The following DUOX2 variants were observed in gnomAD, a reference collection of about 807,000 sequenced individuals.
DUOX2 encodes dual oxidase 2.
Under a neutral mutation model 183.3 loss-of-function variants are expected in DUOX2, and 185 were observed. The observed-to-expected ratio is 1.01, with a 90% CI of 0.90 to 1.14. The LOEUF (loss-of-function observed/expected upper bound fraction) is 1.14, where lower values mean the gene tolerates loss of function less well. Among genes scored for constraint, DUOX2 ranks in the 50% most tolerant of loss-of-function variants. The probability of loss-of-function intolerance (pLI) is 0.00; values close to 1 mark genes in which losing one functional copy is unlikely to be tolerated. For missense variants in DUOX2, 1,999 were observed against 2,022.9 expected (o/e 0.99, Z 0.23); for synonymous variants, 788 against 812.4 (o/e 0.97, Z 0.51).
Position 45,099,380 on chromosome 15 carries a change from G to A in DUOX2, c.3515+3C>T, listed in dbSNP as rs1418226683. On this transcript the variant is annotated splice_donor_region_variant and intron_variant, in intron 26 of 33. Transcript: ENST00000389039. The stretch of plus-strand genomic sequence containing the variant: ...CCCAGGAGAAACCATCCCCAGAACT[G>A]ACCCATCATTCACAAAGACGTTGGG... The A allele has an allele frequency of 4.3e-6, 7 of 1,613,078 alleles. No homozygotes were observed. The highest frequency in any genetic ancestry group is 1.7e-5 in the Admixed American group (1 of 60,018).
chr15:45,096,535 A>G lies in DUOX2; in HGVS notation c.3848-475T>C, dbSNP rs190462302. 2.1e-3 allele frequency among the ~76,000 whole-genome samples: 325 copies of G among 152,284 alleles called. 2 individuals are homozygous for G. Among genetic ancestry groups the G allele is most frequent in the Middle Eastern group, 0.014 (4 of 294 alleles). On this transcript the variant is annotated intron_variant, in intron 29 of 33. Transcript: ENST00000389039. ...CTAAGGTAAGTGGAAAACCAGTATC[A>G]TGTGTCCTACATAGAAGACAACATA... is the stretch of plus-strand genomic sequence containing the variant.
intron 29 of DUOX2, 29 bp downstream of exon 29, chr15:45,097,209 C>T (rs979783444): frequency 1.9e-6 from 3 of 1,613,872 alleles, no homozygotes; most frequent in Non-Finnish European, 2.5e-6. Flanking sequence ...CTCTGTCGCT[C>T]CCGACCCAGG....
intron 16 of DUOX2, 36 bp downstream of exon 16, chr15:45,106,492 C>G (rs746382061): frequency 6.2e-7 from 1 of 1,607,542 alleles, no homozygotes; most frequent in Non-Finnish European, 8.5e-7. Context: ...TCCCCTCCTC[C>G]GTCCCTCCTC....
rs770966897 is a variant in DUOX2 at position 45,097,672 on chromosome 15, C to A, written c.3635G>T (p.Arg1212Leu). ...CAGCCAGAAGCCCCGGAAGCTGCGG[C>A]GGCGGAAGTGGTGGGAGGCGAAGAC... ...MYVFASHHFR[R>L]RSFRGFWLTH... The change falls in exon 28 of 34, where the codon CGC (arginine) becomes CTC (leucine). Residue 1212 changes from arginine to leucine, a missense_variant. Coordinates refer to ENST00000389039, the MANE Select transcript of DUOX2 (RefSeq NM_001363711.2). 2.4e-5 allele frequency: 39 copies of A among 1,614,082 alleles called. No homozygotes were observed. The highest frequency in any genetic ancestry group is 1.7e-6 in the Non-Finnish European group (2 of 1,180,052).
rs1399386014 is a variant in DUOX2 at position 45,097,628 on chromosome 15, G to A, written c.3679C>T (p.Leu1227=). 1.2e-6 allele frequency: 2 copies of A among 1,614,272 alleles called. No homozygotes were observed. Among genetic ancestry groups the A allele is most frequent in the South Asian group, 2.2e-5 (2 of 91,090 alleles). ...GFWLTHHLYI[L]LYALLIIHGS... ...AAGTCCCTCACCAGGGCATAGAGCAGGATGTAGAGGTGGTGGGTCAGCCAG... is the reference window on the plus strand; with the variant it reads ...AAGTCCCTCACCAGGGCATAGAGCAAGATGTAGAGGTGGTGGGTCAGCCAG... Residue 1227 remains leucine, a synonymous_variant, in exon 28 of 34, where the codon CTG becomes TTG. Coordinates refer to ENST00000389039, the MANE Select transcript of DUOX2 (RefSeq NM_001363711.2).
At position 45,101,850 on chromosome 15, in the gene DUOX2, C is replaced by T. The variant is rs147047438; in HGVS notation, c.2794G>A (p.Asp932Asn). 457 of 1,614,262 alleles carry T rather than the reference C, an allele frequency of 2.8e-4. No homozygotes were observed. Among genetic ancestry groups the T allele is most frequent in the African/African-American group, 1.5e-3 (114 of 75,074 alleles). ...EDFHFMLRDH[D>N]SELRFTQLCV... is the part of the protein sequence containing the mutation. The stretch of plus-strand genomic sequence containing the variant: ...AGCTGCGTGAAGCGGAGCTCGCTGT[C>T]ATGGTCCCGCAGCATGAAGTGAAAA... The change falls in exon 21 of 34, where the codon GAC becomes AAC. Residue 932 changes from aspartate (D) to asparagine (N), a missense_variant. Asp to Asn is a conservative substitution (Grantham distance 23, BLOSUM62 1). Transcript: ENST00000389039.
In DUOX2 at chr15:45,105,935, ATCCATC is replaced by A. The variant is rs1894200764; in HGVS notation, c.2149-113_2149-108del. 8 of 1,485,878 alleles carry A rather than the reference ATCCATC, an allele frequency of 5.4e-6. No homozygotes were observed. In the South Asian group the frequency reaches 9.5e-5, roughly 18 times the overall value. 92.0% of individuals were successfully genotyped at this position (1,485,878 alleles called of 1,614,324 possible). A position where few individuals can be genotyped will look rare whatever the true frequency, so the allele number is the denominator to read the frequency against. On this transcript the variant is annotated intron_variant, in intron 17 of 33. Coordinates refer to ENST00000389039, the MANE Select transcript of DUOX2 (RefSeq NM_001363711.2). ...AGGGGAGGAGAGAAAACTCCTCCCC[ATCCATC>A]CAGGCTGGGGCCAGGTGTGTGGACG...
intron 29 of DUOX2, 58 bp from the exon 30 acceptor site, chr15:45,096,118 G>T: frequency 2.1e-6 from 3 of 1,451,308 alleles, no homozygotes; most frequent in Non-Finnish European, 2.9e-6. Flanking sequence ...GGTACCTGAG[G>T]ACTGATAGGC....
At chr15:45,109,376 G>C (rs1894316569) in intron 11 of DUOX2, 148 bp downstream of exon 11, 1 of 674,024 alleles carries the variant, frequency 1.5e-6, no homozygotes, top group South Asian at 1.7e-5. Context: ...AAAGTTCAAA[G>C]TTCATTTTCT....
In DUOX2 at chr15:45,093,887, C is replaced by G. The variant is rs1595517529; in HGVS notation, c.*263G>C. Reference sequence around the variant, plus strand: ...TGCGCACTTGCTAAGGGCAGGAAGTCTGGAGGGCTGCAGGAATGGTGCCGT... The same window carrying G: ...TGCGCACTTGCTAAGGGCAGGAAGTGTGGAGGGCTGCAGGAATGGTGCCGT... On this transcript the variant is annotated 3_prime_UTR_variant, in exon 34 of 34. Coordinates refer to ENST00000389039, the MANE Select transcript of DUOX2 (RefSeq NM_001363711.2). The G allele has an allele frequency of 2.1e-6, 1 of 475,078 alleles. No individual in the cohort carries two copies. The highest frequency in any genetic ancestry group is 4.2e-5 in the East Asian group (1 of 23,730). 29.4% of individuals were successfully genotyped at this position (475,078 alleles called of 1,614,324 possible). A position where few individuals can be genotyped will look rare whatever the true frequency, so the allele number is the denominator to read the frequency against.
At position 45,111,604 on chromosome 15, in the gene DUOX2, G is replaced by T. The variant is rs1340280858; in HGVS notation, c.514-19C>A. On this transcript the variant is annotated intron_variant, in intron 5 of 33. Transcript: ENST00000389039. Reference sequence around the variant, plus strand: ...GGTTGGCCTGCGGGGCACGCGGCGGGTGAGCCCGGGTCGAGAGGCGGCGGC... The same window carrying T: ...GGTTGGCCTGCGGGGCACGCGGCGGTTGAGCCCGGGTCGAGAGGCGGCGGC... 2.0e-6 allele frequency: 3 copies of T among 1,518,992 alleles called. No homozygotes were observed. The highest frequency in any genetic ancestry group is 5.3e-5 in the East Asian group (2 of 38,090). 94.1% of individuals were successfully genotyped at this position (1,518,992 alleles called of 1,614,324 possible). A position where few individuals can be genotyped will look rare whatever the true frequency, so the allele number is the denominator to read the frequency against.
rs1566973702 is a variant in DUOX2 at position 45,101,813 on chromosome 15, C to A, written c.2831G>T (p.Gly944Val). 1 of 1,614,228 alleles carries A rather than the reference C, an allele frequency of 6.2e-7. No individual in the cohort carries two copies. The highest frequency in any genetic ancestry group is 8.5e-7 in the Non-Finnish European group (1 of 1,180,040). The part of the protein sequence containing the change: ...ELRFTQLCVK[G>V]GGGGGNGIRD... ...CTCACCATTTCCACCTCCACCTCCA[C>A]CTTTGACACAGAGCTGCGTGAAGCG... is the stretch of plus-strand genomic sequence containing the variant. The change falls in exon 21 of 34, where the codon GGT becomes GTT. Residue 944 changes from glycine (G) to valine (V), a missense_variant. Physicochemically the swap from Gly to Val is moderately radical, Grantham distance 109. This residue lies in a region of DUOX2 where 1,628 missense variants were observed against 1,608.6 expected (regional missense o/e 1.01). Coordinates refer to ENST00000389039, the MANE Select transcript of DUOX2 (RefSeq NM_001363711.2).
intron 21 of DUOX2, 189 bp from the exon 22 acceptor site, chr15:45,101,463 G>A (rs1894079563): frequency 1.5e-6 from 1 of 667,362 alleles, no homozygotes; most frequent in Admixed American, 2.2e-5. Flanking sequence ...GCACAAGAAA[G>A]GGGACATCCT....
chr15:45,099,439 T>C lies in DUOX2; in HGVS notation c.3459A>G (p.Ser1153=), dbSNP rs1376589476. Residue 1153 remains serine (S), a synonymous_variant, in exon 26 of 34, where the codon TCA becomes TCG. Transcript: ENST00000389039. The part of the protein sequence containing the change: ...AGHAVNVYIF[S]VSPLSLLACI... ...AGGCCAGCAGGCTGAGTGGGCTGAC[T>C]GAGAAGATGTAGACATTGACTGCGT... is the stretch of plus-strand genomic sequence containing the variant. 6.2e-7 allele frequency: 1 copy of C among 1,613,886 alleles called. No homozygotes were observed. Among genetic ancestry groups the C allele is most frequent in the Non-Finnish European group, 8.5e-7 (1 of 1,179,962 alleles).
chr15:45,095,748 T>G lies in DUOX2; in HGVS notation c.4080+80A>C, dbSNP rs1473186445. The G allele has an allele frequency of 5.8e-5, 90 of 1,547,692 alleles. 1 individual carries two copies. In the South Asian group the frequency reaches 9.8e-4, roughly 17 times the overall value. ...AGGCTGGCTTTGGGACGGCTGGAGCTTCTAGTCTCAGGATAGGGAAGGGCA... is the reference window on the plus strand; with the variant it reads ...AGGCTGGCTTTGGGACGGCTGGAGCGTCTAGTCTCAGGATAGGGAAGGGCA... On this transcript the variant is annotated intron_variant, in intron 30 of 33. Transcript: ENST00000389039.
At chr15:45,112,912 T>G (rs1894485144) in intron 3 of DUOX2, 75 bp downstream of exon 3, 2 of 1,574,530 alleles carry the variant, frequency 1.3e-6, no homozygotes, top group South Asian at 1.1e-5. Context: ...CCCCGCAGAT[T>G]CCCCGCTCAG....
At chr15:45,098,100 G>A in intron 26 of DUOX2, 42 bp from the exon 27 acceptor site, 1 of 1,585,788 alleles carries the variant, frequency 6.3e-7, no homozygotes. Context: ...TGGGGCAGGA[G>A]GGGCTCCAGC....
intron 29 of DUOX2, 115 bp downstream of exon 29, chr15:45,097,123 T>A: frequency 6.6e-7 from 1 of 1,518,106 alleles, no homozygotes; most frequent in Non-Finnish European, 9.0e-7. Context: ...TTGTTGTTGT[T>A]TTTGGAGACA....
intron 20 of DUOX2, among the ~76,000 whole-genome samples, chr15:45,103,713 T>C (rs1343583450): frequency 6.6e-6 from 1 of 152,110 alleles, no homozygotes; most frequent in South Asian, 2.1e-4. Context: ...GTTTTTTTTT[T>C]TCGTTTTTTA....
Sources: gnomAD v4.1 joint callset for allele counts (sites outside exome capture counted in the v4.1 genomes callset) on GRCh38, gnomAD v4.1.1 for gene constraint, gnomAD v4.1.1 regional missense constraint, MANE v1.5 for transcripts, NCBI Gene and HGNC (gene_info 2026-07-23, HGNC 2026-07-21) for gene names.